The following RABEP2 variants were observed in gnomAD, a reference collection of about 807,000 sequenced individuals.
RABEP2 encodes rab GTPase-binding effector protein 2.
Under a neutral mutation model 74.1 loss-of-function variants are expected in RABEP2, and 57 were observed. The ratio of observed to expected loss-of-function variants is 0.77; its 90% CI spans 0.62 to 0.96. The LOEUF (loss-of-function observed/expected upper bound fraction) is 0.96. RABEP2 is among the 40% of genes least tolerant of loss of function. The probability of loss-of-function intolerance (pLI) is 0.00; values close to 1 mark genes in which losing one functional copy is unlikely to be tolerated. For synonymous variants in RABEP2, 351 were observed against 344.0 expected, an observed-to-expected ratio of 1.02 and a Z score of -0.23; for missense variants, 692 against 756.3, an observed-to-expected ratio of 0.91 and a Z score of 1.00.
chr16:28,916,848 G>A (rs1964402539), intron 3 of RABEP2, among the ~76,000 whole-genome samples: 1 of 151,724 alleles, frequency 6.6e-6, no homozygotes, highest in Non-Finnish European at 1.5e-5. Context: ...GCTGGATGTG[G>A]TGGTGCGCGC....
At position 28,906,782 on chromosome 16, in the gene RABEP2, AAAAC is replaced by A. The variant is rs777507622; in HGVS notation, c.1246-590_1246-587del. On this transcript the variant is annotated intron_variant, in intron 8 of 12. Transcript: ENST00000358201. The stretch of plus-strand genomic sequence containing the variant: ...TCCATCTCAAACAGAAACAAAAACA[AAAAC>A]AAACAACAACAACAACAACAACAAA... Among the ~76,000 whole-genome samples the A allele has an allele frequency of 1.1e-3, 166 of 151,828 alleles. 1 individual carries two copies. Among genetic ancestry groups the A allele is most frequent in the Non-Finnish European group, 2.0e-3 (133 of 67,936 alleles).
intron 3 of RABEP2, among the ~76,000 whole-genome samples, chr16:28,915,876 G>T (rs962977929): frequency 4.2e-5 from 6 of 143,256 alleles, no homozygotes; most frequent in African/African-American, 1.6e-4. Flanking sequence ...TTTCATTCTT[G>T]TTGCCCAAGC....
intron 3 of RABEP2, among the ~76,000 whole-genome samples, chr16:28,917,465 G>A (rs537488857): frequency 2.6e-5 from 4 of 152,326 alleles, no homozygotes; most frequent in South Asian, 2.1e-4. Flanking sequence ...TGTTGCCCAG[G>A]ATGGAGTGCA....
At chr16:28,908,572 G>T in intron 8 of RABEP2, 37 bp downstream of exon 8, 1 of 1,559,656 alleles carries the variant, frequency 6.4e-7, no homozygotes, top group Non-Finnish European at 8.7e-7. Flanking sequence ...GGGCCCTCAC[G>T]GTGGCTCCAG....
In RABEP2 at chr16:28,910,923, C is replaced by A. The variant is rs202177661; in HGVS notation, c.1054G>T (p.Val352Leu). The A allele has an allele frequency of 9.4e-5, 152 of 1,612,960 alleles. No individual in the cohort carries two copies. The Admixed American group carries it at 2.3e-3, about 24-fold the overall frequency. Residue 352 changes from valine (V) to leucine (L), a missense_variant, in exon 7 of 13, where the codon GTG (valine) becomes TTG (leucine). Coordinates refer to ENST00000358201, the MANE Select transcript of RABEP2 (RefSeq NM_024816.3). ...EQLLRTLQGT[V>L]SQAQERVQLQ... ...TGCACCCGCTCCTGGGCCTGGCTCA[C>A]GGTCCCTTGCAGGGTCCGCAGCAGC...
At chr16:28,915,524 C>A (rs1364440430) in intron 3 of RABEP2, among the ~76,000 whole-genome samples, 4 of 152,018 alleles carry the variant, frequency 2.6e-5, no homozygotes, top group Non-Finnish European at 5.9e-5. Context: ...CCTTCCAGGA[C>A]AACTCTTTAT....
chr16:28,912,339 G>C (rs962266048), intron 5 of RABEP2, among the ~76,000 whole-genome samples: 4 of 150,734 alleles, frequency 2.7e-5, no homozygotes, highest in Non-Finnish European at 1.5e-5. Flanking sequence ...GTACACCACA[G>C]TCCCAGCCTC....
chr16:28,905,094 C>A, intron 12 of RABEP2, 50 bp from the exon 13 acceptor site: 1 of 1,474,360 alleles, frequency 6.8e-7, no homozygotes, highest in South Asian at 1.2e-5. Flanking sequence ...GAAACGCAGC[C>A]CCTACCCCAC....
intron 2 of RABEP2, among the ~76,000 whole-genome samples, chr16:28,923,182 C>G (rs1191739563): frequency 6.6e-6 from 1 of 152,124 alleles, no homozygotes; most frequent in Admixed American, 6.6e-5. Flanking sequence ...CCAAGGCAGG[C>G]AGATCGTTTG....
In RABEP2 at chr16:28,925,214, C is replaced by A; in HGVS notation, c.-51G>T. On this transcript the variant is annotated 5_prime_UTR_variant, in exon 1 of 13. Transcript: ENST00000358201. ...CGCACTCCCTGGTGACGGAGCGCACCGCTTCCGGGTCCTCTCGGCTGTTTC... is the reference window on the plus strand; with the variant it reads ...CGCACTCCCTGGTGACGGAGCGCACAGCTTCCGGGTCCTCTCGGCTGTTTC... 2 of 1,504,370 alleles carry A rather than the reference C, an allele frequency of 1.3e-6. No individual in the cohort carries two copies. The highest frequency in any genetic ancestry group is 1.8e-6 in the Non-Finnish European group (2 of 1,132,582). The allele number at this position is 1,504,370 out of a possible 1,614,324, so 93.2% of individuals were successfully genotyped here. A position where few individuals can be genotyped will look rare whatever the true frequency, so the allele number is the denominator to read the frequency against.
intron 8 of RABEP2, 120 bp downstream of exon 8, chr16:28,908,488 CA>C: frequency 9.3e-7 from 1 of 1,080,936 alleles, no homozygotes. Context: ...TTAGAGAAGG[CA>C]AATGAGTTAG....
chr16:28,918,498 C>T (rs1964425924), intron 3 of RABEP2, among the ~76,000 whole-genome samples: 1 of 151,874 alleles, frequency 6.6e-6, no homozygotes, highest in Non-Finnish European at 1.5e-5. Flanking sequence ...GCCTGTAATT[C>T]CAGCTATTCG....
intron 5 of RABEP2, among the ~76,000 whole-genome samples, chr16:28,911,602 TGCAGTGA>T (rs1233731649): frequency 6.8e-6 from 1 of 147,060 alleles, no homozygotes; most frequent in Non-Finnish European, 1.5e-5. Context: ...AAGCAGAGGT[TGCAGTGA>T]GCAGTGAGCA....
intron 3 of RABEP2, among the ~76,000 whole-genome samples, chr16:28,915,569 G>A (rs1964380848): frequency 6.6e-6 from 1 of 151,972 alleles, no homozygotes; most frequent in African/African-American, 2.4e-5. Context: ...TTTTGAGATG[G>A]AGTCTCACTC....
intron 3 of RABEP2, among the ~76,000 whole-genome samples, chr16:28,917,641 C>T (rs893930576): frequency 6.6e-6 from 1 of 152,204 alleles, no homozygotes; most frequent in African/African-American, 2.4e-5. Flanking sequence ...AGGCTGGTCT[C>T]AAACTCCTGA....
rs7500648 is a variant in RABEP2, at chr16:28,921,212, C to A, written c.275-1269G>T. The A allele has an allele frequency of 1.9e-4, 87 of 455,800 alleles. 3 individuals are homozygous for A. The highest frequency in any genetic ancestry group is 1.2e-3 in the South Asian group (76 of 64,564). The allele number at this position is 455,800 out of a possible 1,614,324, so 28.2% of individuals were successfully genotyped here. ...ACGCTGGATCAGACTCTGAGCTGGG[C>A]TCTGGAAATACAGAAATTAATCAAA... On this transcript the variant is annotated intron_variant, in intron 2 of 12. Coordinates refer to ENST00000358201, the MANE Select transcript of RABEP2 (RefSeq NM_024816.3).
At position 28,919,859 on chromosome 16, in the gene RABEP2, C is replaced by T. The variant is rs373890125; in HGVS notation, c.359G>A (p.Arg120Gln). Residue 120 changes from arginine to glutamine, a missense_variant, in exon 3 of 13, where the codon CGG becomes CAG. Physicochemically the swap from Arg to Gln is conservative, Grantham distance 43. Coordinates refer to ENST00000358201, the MANE Select transcript of RABEP2 (RefSeq NM_024816.3). Reference sequence around the variant, plus strand: ...CAGCTGCTTCAGGCGGCCCAGCTCCCGCTCCTTCTCCTCACAGTCCTGCTG... The same window carrying T: ...CAGCTGCTTCAGGCGGCCCAGCTCCTGCTCCTTCTCCTCACAGTCCTGCTG... ...QQQQDCEEKE[R>Q]ELGRLKQLLS... 112 of 1,612,098 alleles carry T rather than the reference C, an allele frequency of 6.9e-5. No individual in the cohort carries two copies. Among genetic ancestry groups the T allele is most frequent in the Non-Finnish European group, 9.2e-5 (109 of 1,179,148 alleles).
chr16:28,905,799 C>T, intron 10 of RABEP2, 40 bp from the exon 11 acceptor site: 1 of 1,613,966 alleles, frequency 6.2e-7, no homozygotes, highest in Non-Finnish European at 8.5e-7. Flanking sequence ...GGGCCATGCC[C>T]TCTCCCTTTC....
intron 3 of RABEP2, 190 bp downstream of exon 3, chr16:28,919,596 C>G (rs1964441403): frequency 2.1e-6 from 1 of 481,182 alleles, no homozygotes; most frequent in Admixed American, 4.1e-5. Flanking sequence ...AACTTGGTCA[C>G]CCACTAATAA....
Sources: allele counts gnomAD v4.1 joint callset (sites outside exome capture counted in the v4.1 genomes callset), GRCh38; gene constraint gnomAD v4.1.1; transcripts MANE v1.5; gene names NCBI Gene and HGNC (gene_info 2026-07-23, HGNC 2026-07-21).